Variants in ADGRG1 observed in about 807,000 individuals in gnomAD.
ADGRG1 encodes the protein 7-transmembrane protein with no EGF-like N-terminal domains-1.
A neutral mutation model predicts 73.5 loss-of-function variants in ADGRG1; 53 were observed. The observed-to-expected ratio is 0.72, with a 90% CI of 0.58 to 0.91. The LOEUF is 0.91. ADGRG1 is among the 40% of genes least tolerant of loss of function. ADGRG1 has a pLI of 0.00. For synonymous variants in ADGRG1, 394 were observed against 374.4 expected (o/e 1.05, Z -0.60); for missense variants, 795 against 871.8 (o/e 0.91, Z 1.11).
intron 1 of ADGRG1, chr16:57,630,884 A>G (rs2037668834): frequency 2.3e-6 from 2 of 872,138 alleles, no homozygotes; most frequent in Middle Eastern, 5.9e-4. Context: ...CAAGCTGGGG[A>G]CCACGGGGAG....
intron 7 of ADGRG1, 49 bp from the exon 8 acceptor site, chr16:57,656,177 A>T (rs1597569692): frequency 1.2e-6 from 2 of 1,610,486 alleles, no homozygotes; most frequent in Admixed American, 3.3e-5. Flanking sequence ...GTAAAGTTGG[A>T]GGGGTGGGGG....
At chr16:57,646,842 C>T (rs971646174) in intron 1 of ADGRG1, 1 of 840,668 alleles carries the variant, frequency 1.2e-6, no homozygotes, top group Non-Finnish European at 1.4e-6. Flanking sequence ...GATGTCACCA[C>T]TAACATTATC....
chr16:57,641,090 A>C, intron 1 of ADGRG1: 2 of 970,422 alleles, frequency 2.1e-6, no homozygotes, highest in Non-Finnish European at 2.5e-6. Flanking sequence ...ACCTGTAGGC[A>C]TCCTGAAGCC....
At chr16:57,639,111 C>T (rs1057258355) in intron 1 of ADGRG1, among the ~76,000 whole-genome samples, 18 of 151,946 alleles carry the variant, frequency 1.2e-4, no homozygotes, top group African/African-American at 4.4e-4. Context: ...TCAATGTTGA[C>T]AAACTTGCAG....
At chr16:57,646,260 G>A (rs185720587) in intron 1 of ADGRG1, 436 of 461,300 alleles carry the variant, frequency 9.5e-4, no homozygotes, top group Admixed American at 2.3e-3. Flanking sequence ...CAGGTCCCCC[G>A]GGAGAAAGCG....
rs1172824682 is a variant in ADGRG1 at position 57,655,869 on chromosome 16, T to C, written c.901-7T>C. 6.2e-7 allele frequency: 1 copy of C among 1,614,136 alleles called. No individual in the cohort carries two copies. The highest frequency in any genetic ancestry group is 1.1e-5 in the South Asian group (1 of 91,086). ...CCTACTCTCTTCCTCCAACCCCATG[T>C]ATCTAGGACAAGAATTCCAGCCAAG... On this transcript the variant is annotated splice_polypyrimidine_tract_variant and splice_region_variant and intron_variant, in intron 6 of 13. Transcript: ENST00000562631.
chr16:57,647,319 C>A (rs2042922027), intron 1 of ADGRG1: 1 of 984,884 alleles, frequency 1.0e-6, no homozygotes, highest in South Asian at 4.7e-5. Flanking sequence ...AGAATTTCCC[C>A]TCAAGGTGCT....
chr16:57,648,575 C>A, intron 1 of ADGRG1: 1 of 984,738 alleles, frequency 1.0e-6, no homozygotes, highest in Non-Finnish European at 1.2e-6. Flanking sequence ...ACATTGAGCT[C>A]CTGCCTGGGA....
chr16:57,660,444 C>T (rs2046810335), intron 11 of ADGRG1: 1 of 930,756 alleles, frequency 1.1e-6, no homozygotes, highest in South Asian at 4.9e-5. Context: ...CTTGCCGTCC[C>T]TCCTAAACTG....
At chr16:57,655,741 G>C in intron 6 of ADGRG1, 135 bp from the exon 7 acceptor site, 1 of 1,606,128 alleles carries the variant, frequency 6.2e-7, no homozygotes, top group Non-Finnish European at 8.5e-7. Flanking sequence ...GGCAAAAGTG[G>C]TTCCAGAGGG....
chr16:57,649,954 T>C (rs537390818), intron 1 of ADGRG1: 1 of 161,602 alleles, frequency 6.2e-6, no homozygotes, highest in African/African-American at 2.4e-5. Flanking sequence ...ATTTTGTTTA[T>C]TTATTGTAGA....
At chr16:57,652,040 A>T (rs2044229452) in intron 3 of ADGRG1, 17 of 1,081,592 alleles carry the variant, frequency 1.6e-5, no homozygotes, top group Non-Finnish European at 1.9e-5. Context: ...TTCACAGAGG[A>T]GGAAACTGGG....
At chr16:57,641,196 A>C in intron 1 of ADGRG1, 1 of 810,956 alleles carries the variant, frequency 1.2e-6, no homozygotes, top group South Asian at 5.6e-5. Context: ...GGCCCAGAGA[A>C]GGGACAGGCT....
At position 57,655,678 on chromosome 16, in the gene ADGRG1, C is replaced by T. The variant is rs1476686377; in HGVS notation, c.900+148C>T. Reference sequence around the variant, plus strand: ...AATTGCACTGCAATGTGCAAATCTCCCTGTGAGAGGGCTAAGCAATGTTCT... The same window carrying T: ...AATTGCACTGCAATGTGCAAATCTCTCTGTGAGAGGGCTAAGCAATGTTCT... On this transcript the variant is annotated intron_variant, in intron 6 of 13. Transcript: ENST00000562631. 1.3e-5 allele frequency: 20 copies of T among 1,587,040 alleles called. 1 individual carries two copies. In the African/African-American group the frequency reaches 2.3e-4, roughly 18 times the overall value.
At chr16:57,641,930 C>A in intron 1 of ADGRG1, 1 of 196,284 alleles carries the variant, frequency 5.1e-6, no homozygotes, top group Non-Finnish European at 9.2e-6. Flanking sequence ...CTCTGTCACC[C>A]AGGCTTGAGT....
intron 1 of ADGRG1, chr16:57,642,879 T>C (rs537847644): frequency 6.6e-6 from 1 of 152,502 alleles, no homozygotes; most frequent in Admixed American, 6.5e-5. Flanking sequence ...GGGACACTGA[T>C]AGCATTTGCT....
At chr16:57,631,433 C>T (rs2037877127) in intron 1 of ADGRG1, 9 of 985,344 alleles carry the variant, frequency 9.1e-6, no homozygotes, top group Non-Finnish European at 1.1e-5. Context: ...GCAGGGCTCC[C>T]AGGGAGGCCA....
upstream of ADGRG1, chr16:57,623,131 TG>T (rs2035181849): frequency 1.0e-6 from 1 of 972,544 alleles, no homozygotes; most frequent in African/African-American, 1.8e-5. Context: ...CTCTCACAAA[TG>T]GGGCAAATCC....
At chr16:57,647,237 G>T in intron 1 of ADGRG1, 1 of 985,420 alleles carries the variant, frequency 1.0e-6, no homozygotes, top group Non-Finnish European at 1.2e-6. Context: ...ACGGGCTTCT[G>T]GAGGAGGGAA....
Sources: allele counts gnomAD v4.1 joint callset (sites outside exome capture counted in the v4.1 genomes callset), GRCh38; gene constraint gnomAD v4.1.1; transcripts MANE v1.5; gene names NCBI Gene and HGNC (gene_info 2026-07-23, HGNC 2026-07-21).